The following REEP3 variants were observed in gnomAD, a reference collection of about 807,000 sequenced individuals.
REEP3 encodes the protein receptor expression-enhancing protein 3.
Under a neutral mutation model 41.3 loss-of-function variants are expected in REEP3, and 20 were observed. That is an observed-to-expected ratio of 0.48 (90% CI 0.34 to 0.70). The LOEUF (loss-of-function observed/expected upper bound fraction) is 0.70, where lower values mean the gene tolerates loss of function less well. REEP3 is among the 30% of genes least tolerant of loss of function. The pLI is 0.01. For missense variants in REEP3, 271 were observed against 308.8 expected (o/e 0.88, Z 0.92); for synonymous variants, 104 against 101.8 (o/e 1.02, Z -0.13).
chr10:63,598,317 TA>T (rs1281780569), intron 4 of REEP3, among the ~76,000 whole-genome samples, 173 bp downstream of exon 4: 1 of 150,022 alleles, frequency 6.7e-6, no homozygotes, highest in Non-Finnish European at 1.5e-5. Context: ...CCACCTCTAC[TA>T]AAAATACAAA....
chr10:63,599,248 C>A lies in REEP3; in HGVS notation c.382C>A (p.Leu128Ile). 6.4e-7 allele frequency: 1 copy of A among 1,565,208 alleles called. No homozygotes were observed. The highest frequency in any genetic ancestry group is 1.2e-5 in the South Asian group (1 of 83,362). The part of the protein sequence containing the change: ...MVNFGRQGLN[L>I]AATAAVTAAV... ...AAACTTTGGACGGCAAGGTTTAAAC[C>A]TTGCAGCTACTGCTGCTGTTACTGC... Residue 128 changes from leucine to isoleucine, a missense_variant, in exon 5 of 8, where the codon CTT becomes ATT. Coordinates refer to ENST00000373758, the MANE Select transcript of REEP3 (RefSeq NM_001001330.3).
chr10:63,549,244 G>C (rs1955605666), intron 1 of REEP3, among the ~76,000 whole-genome samples: 1 of 152,218 alleles, frequency 6.6e-6, no homozygotes, highest in South Asian at 2.1e-4. Flanking sequence ...TTATTCCATA[G>C]AAGGCAGAGG....
At chr10:63,618,086 G>C (rs907427485) in intron 6 of REEP3, among the ~76,000 whole-genome samples, 1 of 150,964 alleles carries the variant, frequency 6.6e-6, no homozygotes, top group Non-Finnish European at 1.5e-5. Flanking sequence ...TTGGCCTCCC[G>C]AAGTGCTGGG....
intron 1 of REEP3, chr10:63,562,704 A>ATCAG (rs10666196): frequency 0.45 from 197,274 of 434,474 alleles, 45,953 homozygotes; most frequent in Middle Eastern, 0.53. Flanking sequence ...CTCTGCAGCA[A>ATCAG]TCAATCAATT....
intron 5 of REEP3, among the ~76,000 whole-genome samples, chr10:63,606,328 CTCTCTTTGTTTCTT>C (rs1399614682): frequency 7.1e-6 from 1 of 141,566 alleles, no homozygotes; most frequent in East Asian, 2.1e-4. Context: ...CTCTTTCTCC[CTCTCTTTGTTTCTT>C]TCTCTCTCTC....
rs147795151 is a variant in REEP3, at chr10:63,573,912, C to A, written c.105+7502C>A. On this transcript the variant is annotated intron_variant, in intron 2 of 7. Transcript: ENST00000373758. ...CCTACTGATTATGATGGGATTTTTA[C>A]TGAAAATTAGTTTTGTCAGGCTGCT... 3.3e-3 allele frequency among the ~76,000 whole-genome samples: 500 copies of A among 152,224 alleles called. 2 individuals are homozygous for A. Among genetic ancestry groups the A allele is most frequent in the African/African-American group, 0.012 (485 of 41,546 alleles).
chr10:63,561,183 T>C lies in REEP3; in HGVS notation c.33-5155T>C, dbSNP rs558121557. Among the ~76,000 whole-genome samples the C allele has an allele frequency of 1.4e-3, 207 of 152,314 alleles. 1 individual carries two copies. Among genetic ancestry groups the C allele is most frequent in the Non-Finnish European group, 2.7e-3 (181 of 68,028 alleles). ...ATCAACTAGCACCAAATCCTTCGTA[T>C]GTGAGAGAAAATGATCTGCTTTGGA... On this transcript the variant is annotated intron_variant, in intron 1 of 7. Transcript: ENST00000373758.
At chr10:63,550,964 CAAT>C (rs1305006865) in intron 1 of REEP3, among the ~76,000 whole-genome samples, 2 of 152,042 alleles carry the variant, frequency 1.3e-5, no homozygotes, top group Non-Finnish European at 2.9e-5. Flanking sequence ...CAAAAGGTAA[CAAT>C]AATCTATAAA....
At chr10:63,522,287 G>A (rs2133327284) in intron 1 of REEP3, among the ~76,000 whole-genome samples, 1 of 152,178 alleles carries the variant, frequency 6.6e-6, no homozygotes, top group East Asian at 1.9e-4. Context: ...TTTGCTAAGT[G>A]ATTGAAAGGC....
chr10:63,528,893 C>T (rs1345256938), intron 1 of REEP3, among the ~76,000 whole-genome samples: 2 of 152,216 alleles, frequency 1.3e-5, no homozygotes, highest in Non-Finnish European at 2.9e-5. Context: ...CTTTCCTTCC[C>T]CGCTCCGTTG....
At chr10:63,563,790 C>T (rs1277572926) in intron 1 of REEP3, among the ~76,000 whole-genome samples, 2 of 151,978 alleles carry the variant, frequency 1.3e-5, no homozygotes, top group Admixed American at 6.5e-5. Flanking sequence ...TGATAAGTCA[C>T]GTTGATAGAC....
In REEP3 at chr10:63,599,063, G is replaced by A. The variant is rs1023848752; in HGVS notation, c.304-107G>A. ...AAGAAAGAAATGCCTATCAACACAT[G>A]CTTAATGCTATAAAATTAATGAAAC... On this transcript the variant is annotated intron_variant, in intron 4 of 7. Transcript: ENST00000373758. The A allele has an allele frequency of 1.1e-5, 7 of 620,140 alleles. No homozygotes were observed. The East Asian group carries it at 2.3e-4, about 20-fold the overall frequency. 38.4% of individuals were successfully genotyped at this position (620,140 alleles called of 1,614,324 possible). A position where few individuals can be genotyped will look rare whatever the true frequency, so the allele number is the denominator to read the frequency against.
At chr10:63,521,683 G>C in intron 1 of REEP3, 106 bp downstream of exon 1, 1 of 790,648 alleles carries the variant, frequency 1.3e-6, no homozygotes, top group South Asian at 4.2e-5. Context: ...GGCGGGGACG[G>C]GGTAGCCCGG....
At chr10:63,547,422 A>G (rs1321547479) in intron 1 of REEP3, among the ~76,000 whole-genome samples, 5 of 152,226 alleles carry the variant, frequency 3.3e-5, no homozygotes, top group African/African-American at 1.2e-4. Context: ...GCTCATATTC[A>G]AAATATACAA....
At chr10:63,525,111 T>C (rs142157081) in intron 1 of REEP3, among the ~76,000 whole-genome samples, 2,028 of 152,218 alleles carry the variant, frequency 0.013, 30 homozygotes, top group African/African-American at 0.034. Flanking sequence ...GTAATAGATA[T>C]ATAGATAGCT....
intron 1 of REEP3, among the ~76,000 whole-genome samples, chr10:63,560,990 T>C (rs1204685391): frequency 6.6e-6 from 1 of 152,230 alleles, no homozygotes; most frequent in Non-Finnish European, 1.5e-5. Flanking sequence ...ATGGTCCCAC[T>C]CTTCACTAAA....
intron 1 of REEP3, among the ~76,000 whole-genome samples, chr10:63,550,456 C>T (rs1321405405): frequency 6.6e-6 from 1 of 152,104 alleles, no homozygotes; most frequent in East Asian, 1.9e-4. Flanking sequence ...GATGAACACA[C>T]AGCAGACCTG....
At chr10:63,525,607 C>T (rs1589854345) in intron 1 of REEP3, among the ~76,000 whole-genome samples, 1 of 152,132 alleles carries the variant, frequency 6.6e-6, no homozygotes, top group Non-Finnish European at 1.5e-5. Context: ...TTAGTAGAGA[C>T]GGGGTTTCAC....
chr10:63,576,797 A>G (rs1955902526), intron 2 of REEP3, among the ~76,000 whole-genome samples: 1 of 152,226 alleles, frequency 6.6e-6, no homozygotes, highest in Middle Eastern at 3.4e-3. Flanking sequence ...ACCCTCCCAT[A>G]TGTCATCACA....
Sources: gnomAD v4.1 joint callset for allele counts (sites outside exome capture counted in the v4.1 genomes callset) on GRCh38, gnomAD v4.1.1 for gene constraint, MANE v1.5 for transcripts, NCBI Gene and HGNC (gene_info 2026-07-23, HGNC 2026-07-21) for gene names.